Variants in DOK6 observed in about 807,000 individuals in gnomAD.
DOK6 encodes docking protein 6.
A neutral mutation model predicts 44.0 loss-of-function variants in DOK6; 22 were observed. That is an observed-to-expected ratio of 0.50 (90% CI 0.36 to 0.71). The LOEUF is 0.71. Among genes scored for constraint, DOK6 ranks in the 30% least tolerant of loss-of-function variants. DOK6 has a pLI of 0.00. For missense variants in DOK6, 340 were observed against 416.4 expected (o/e 0.82, Z 1.60); for synonymous variants, 166 against 145.5 (o/e 1.14, Z -1.01).
intron 5 of DOK6, among the ~76,000 whole-genome samples, chr18:69,710,376 C>T (rs552463478): frequency 1.2e-4 from 19 of 152,254 alleles, no homozygotes; most frequent in African/African-American, 4.1e-4. Context: ...ATGCTTCTCA[C>T]AAATGAAAGG....
At chr18:69,478,031 A>C (rs1285789710) in intron 1 of DOK6, among the ~76,000 whole-genome samples, 1 of 152,216 alleles carries the variant, frequency 6.6e-6, no homozygotes, top group Non-Finnish European at 1.5e-5. Context: ...CTTTTAAGAT[A>C]CAGAAAATTA....
intron 3 of DOK6, among the ~76,000 whole-genome samples, chr18:69,646,355 C>A (rs1985072364): frequency 6.6e-6 from 1 of 151,972 alleles, no homozygotes; most frequent in African/African-American, 2.4e-5. Context: ...TCTGCAGTTG[C>A]TTGTTTGAGA....
chr18:69,717,901 G>A (rs1986920413), intron 5 of DOK6, among the ~76,000 whole-genome samples: 1 of 152,250 alleles, frequency 6.6e-6, no homozygotes, highest in Admixed American at 6.5e-5. Context: ...GGTAGGGGCA[G>A]TCCTTCCAGT....
chr18:69,463,495 A>G (rs180796968), intron 1 of DOK6, among the ~76,000 whole-genome samples: 238 of 152,248 alleles, frequency 1.6e-3, no homozygotes, highest in Non-Finnish European at 4.1e-4. Flanking sequence ...TCCCCTTAGG[A>G]ATGTTTTCTT....
chr18:69,444,322 G>C (rs1979218613), intron 1 of DOK6, among the ~76,000 whole-genome samples: 1 of 152,100 alleles, frequency 6.6e-6, no homozygotes, highest in Non-Finnish European at 1.5e-5. Context: ...CTGAATATTT[G>C]AAGAGAACTA....
chr18:69,534,043 A>G (rs1221024956), intron 1 of DOK6, among the ~76,000 whole-genome samples: 2 of 152,164 alleles, frequency 1.3e-5, no homozygotes, highest in Non-Finnish European at 2.9e-5. Flanking sequence ...AGGCACTGGC[A>G]CAAAAGTACA....
intron 4 of DOK6, among the ~76,000 whole-genome samples, chr18:69,691,232 A>T (rs927050099): frequency 5.0e-5 from 7 of 138,766 alleles, no homozygotes; most frequent in African/African-American, 1.9e-4. Flanking sequence ...AATAAATAAA[A>T]ATATAGAATT....
intron 6 of DOK6, among the ~76,000 whole-genome samples, chr18:69,752,348 G>A (rs1187173563): frequency 6.6e-6 from 1 of 152,092 alleles, no homozygotes; most frequent in Non-Finnish European, 1.5e-5. Context: ...GGGAACAACG[G>A]TCATAATTCT....
chr18:69,552,715 T>A (rs1165821753), intron 1 of DOK6, among the ~76,000 whole-genome samples: 1 of 152,238 alleles, frequency 6.6e-6, no homozygotes, highest in Non-Finnish European at 1.5e-5. Flanking sequence ...AGAGGTGAAC[T>A]CCATGAAGAC....
intron 7 of DOK6, among the ~76,000 whole-genome samples, chr18:69,761,936 C>T (rs1979569911): frequency 6.6e-6 from 1 of 152,032 alleles, no homozygotes; most frequent in South Asian, 2.1e-4. Flanking sequence ...AAGAATTCTA[C>T]TGAGGGGCAT....
intron 7 of DOK6, among the ~76,000 whole-genome samples, chr18:69,798,477 T>C (rs550777232): frequency 6.6e-6 from 1 of 152,236 alleles, no homozygotes; most frequent in African/African-American, 2.4e-5. Context: ...GGTTAAACTC[T>C]TGTATGTGTA....
chr18:69,786,635 G>GTATAGT (rs752061287), intron 7 of DOK6, among the ~76,000 whole-genome samples: 6 of 152,164 alleles, frequency 3.9e-5, no homozygotes, highest in Non-Finnish European at 7.3e-5. Flanking sequence ...GACATACAAT[G>GTATAGT]TATAGTTTCA....
chr18:69,507,172 C>T (rs578030966), intron 1 of DOK6, among the ~76,000 whole-genome samples: 79 of 152,014 alleles, frequency 5.2e-4, no homozygotes, highest in African/African-American at 1.7e-3. Flanking sequence ...AGACTACAGG[C>T]GCGTGCCACC....
At chr18:69,463,431 T>A (rs1979841055) in intron 1 of DOK6, among the ~76,000 whole-genome samples, 1 of 151,948 alleles carries the variant, frequency 6.6e-6, no homozygotes. Flanking sequence ...AACAGCAACA[T>A]CTGTTATATT....
rs531197185 is a variant in DOK6 at position 69,688,164 on chromosome 18, T to A, written c.410-10240T>A. ...TACACCAAGCCCCCACACTGGAAAC[T>A]AAATGTTTCTGAGAGAAGTTTTAAA... is the stretch of plus-strand genomic sequence containing the variant. On this transcript the variant is annotated intron_variant, in intron 4 of 7. Coordinates refer to ENST00000382713, the MANE Select transcript of DOK6 (RefSeq NM_152721.6). 1.8e-3 allele frequency among the ~76,000 whole-genome samples: 276 copies of A among 152,286 alleles called. 2 individuals are homozygous for A. Among genetic ancestry groups the A allele is most frequent in the Middle Eastern group, 0.017 (5 of 294 alleles).
chr18:69,712,171 C>T (rs926162950), intron 5 of DOK6, among the ~76,000 whole-genome samples: 2 of 146,390 alleles, frequency 1.4e-5, no homozygotes. Context: ...GTCCCAGCTA[C>T]TTGGGAGGCT....
intron 7 of DOK6, among the ~76,000 whole-genome samples, chr18:69,784,661 C>T (rs1980378062): frequency 6.6e-6 from 1 of 151,940 alleles, no homozygotes; most frequent in Admixed American, 6.6e-5. Context: ...TAATTTAATT[C>T]CTAAGATATT....
chr18:69,505,193 G>C (rs183526681), intron 1 of DOK6, among the ~76,000 whole-genome samples: 10 of 152,272 alleles, frequency 6.6e-5, no homozygotes, highest in Admixed American at 5.2e-4. Context: ...TGTCAGGTAA[G>C]AACTAACTTC....
At chr18:69,727,365 G>A (rs542740406) in intron 5 of DOK6, among the ~76,000 whole-genome samples, 3 of 147,098 alleles carry the variant, frequency 2.0e-5, no homozygotes, top group South Asian at 2.1e-4. Context: ...GTTCTAGCAC[G>A]TATCATTCTA....
Sources: gnomAD v4.1 joint callset for allele counts (sites outside exome capture counted in the v4.1 genomes callset) on GRCh38, gnomAD v4.1.1 for gene constraint, MANE v1.5 for transcripts, NCBI Gene and HGNC (gene_info 2026-07-23, HGNC 2026-07-21) for gene names.